Variants in TP53BP2 observed in about 807,000 individuals in gnomAD.
TP53BP2 encodes apoptosis-stimulating of p53 protein 2.
Under a neutral mutation model 126.2 loss-of-function variants are expected in TP53BP2, and 62 were observed. The observed-to-expected ratio is 0.49, with a 90% CI of 0.40 to 0.61. The LOEUF is 0.61. Ranked by LOEUF, TP53BP2 falls within the 20% of genes least tolerant of loss-of-function variation. TP53BP2 has a pLI of 0.00. For synonymous variants in TP53BP2, 485 were observed against 502.9 expected (o/e 0.96, Z 0.48); for missense variants, 1,215 against 1,402.8 (o/e 0.87, Z 2.14).
At chr1:223,834,740 G>T in intron 1 of TP53BP2, 1 of 816,828 alleles carries the variant, frequency 1.2e-6, no homozygotes, top group Non-Finnish European at 1.5e-6. Flanking sequence ...TTCCTACTCT[G>T]TCCTGTAGTG....
chr1:223,789,180 A>T lies in TP53BP2; in HGVS notation c.2997-6T>A, dbSNP rs1280026194. 1.2e-6 allele frequency: 2 copies of T among 1,613,976 alleles called. No homozygotes were observed. Among genetic ancestry groups the T allele is most frequent in the Non-Finnish European group, 1.7e-6 (2 of 1,179,968 alleles). ...CAGCACAATGTAATGGAGTCCTGTG[A>T]AGCAAGATACGAGGGCTAGAACTGT... On this transcript the variant is annotated splice_region_variant and splice_polypyrimidine_tract_variant and intron_variant, in intron 15 of 17. Coordinates refer to ENST00000343537, the MANE Select transcript of TP53BP2 (RefSeq NM_001031685.3).
At chr1:223,842,933 T>C (rs1427730903) in intron 1 of TP53BP2, among the ~76,000 whole-genome samples, 1 of 152,204 alleles carries the variant, frequency 6.6e-6, no homozygotes, top group Non-Finnish European at 1.5e-5. Flanking sequence ...GGAAATATCA[T>C]AGAACTAGAG....
Position 223,788,998 on chromosome 1 carries a change from T to C in TP53BP2, c.3163+10A>G. 1 of 1,613,042 alleles carries C rather than the reference T, an allele frequency of 6.2e-7. No individual in the cohort carries two copies. Among genetic ancestry groups the C allele is most frequent in the African/African-American group, 1.3e-5 (1 of 75,028 alleles). On this transcript the variant is annotated intron_variant, in intron 16 of 17. Coordinates refer to ENST00000343537, the MANE Select transcript of TP53BP2 (RefSeq NM_001031685.3). ...AGTAATCAATACATTTAGTTCTACT[T>C]GTCACATACCATAAAGAAATTGGGA...
chr1:223,812,207 G>C (rs891204071), intron 3 of TP53BP2, among the ~76,000 whole-genome samples: 1 of 152,180 alleles, frequency 6.6e-6, no homozygotes, highest in Non-Finnish European at 1.5e-5. Flanking sequence ...GCCTCTAGGT[G>C]TGTGGCCTCT....
chr1:223,829,389 A>G (rs191300897), intron 1 of TP53BP2, among the ~76,000 whole-genome samples: 2 of 152,328 alleles, frequency 1.3e-5, no homozygotes, highest in Non-Finnish European at 1.5e-5. Context: ...CAGAAATGAA[A>G]AAGATGATTA....
intron 12 of TP53BP2, among the ~76,000 whole-genome samples, chr1:223,797,995 G>C (rs909701670): frequency 6.6e-6 from 1 of 151,994 alleles, no homozygotes; most frequent in Non-Finnish European, 1.5e-5. Context: ...CTCCAGACTT[G>C]AGACCACACT....
At chr1:223,797,657 C>T (rs1478735283) in intron 12 of TP53BP2, among the ~76,000 whole-genome samples, 1 of 152,084 alleles carries the variant, frequency 6.6e-6, no homozygotes, top group Non-Finnish European at 1.5e-5. Flanking sequence ...GTGACCCGCC[C>T]ACCTTGGCCT....
At chr1:223,791,147 C>T (rs1662141290) in intron 15 of TP53BP2, among the ~76,000 whole-genome samples, 1 of 152,116 alleles carries the variant, frequency 6.6e-6, no homozygotes, top group South Asian at 2.1e-4. Context: ...AGAGCTTGGG[C>T]CAAGTACGGT....
At chr1:223,801,398 G>A (rs1662523204) in intron 9 of TP53BP2, among the ~76,000 whole-genome samples, 1 of 152,152 alleles carries the variant, frequency 6.6e-6, no homozygotes, top group Admixed American at 6.5e-5. Context: ...TTGAAAATCA[G>A]CTATTTTTTT....
At chr1:223,837,155 A>AGCGG (rs1558111841) in intron 1 of TP53BP2, among the ~76,000 whole-genome samples, 2 of 76,686 alleles carry the variant, frequency 2.6e-5, no homozygotes, top group African/African-American at 4.8e-5. Flanking sequence ...TAAAAAAAAA[A>AGCGG]GGGGGGGGGC....
chr1:223,783,028 T>A (rs1661825922), intron 17 of TP53BP2, among the ~76,000 whole-genome samples: 1 of 152,104 alleles, frequency 6.6e-6, no homozygotes, highest in South Asian at 2.1e-4. Flanking sequence ...GTCCCAACAC[T>A]GAAGTCATTT....
intron 1 of TP53BP2, chr1:223,826,171 A>G (rs1663488852): frequency 1.3e-5 from 2 of 152,300 alleles, no homozygotes; most frequent in Non-Finnish European, 2.9e-5. Flanking sequence ...TTTGCACAAG[A>G]GGAAGGTCAC....
chr1:223,814,129 A>G (rs1571860946), intron 3 of TP53BP2, 111 bp downstream of exon 3: 2 of 740,332 alleles, frequency 2.7e-6, no homozygotes, highest in East Asian at 5.1e-5. Context: ...TCCACTTCCT[A>G]ACCTCTCCTT....
chr1:223,808,540 CAAAA>C (rs34273651), intron 4 of TP53BP2, among the ~76,000 whole-genome samples: 1 of 110,866 alleles, frequency 9.0e-6, no homozygotes. Context: ...GACTCTGTAT[CAAAA>C]AAAAAAAAAA....
chr1:223,798,906 C>T (rs1192869166), intron 11 of TP53BP2, among the ~76,000 whole-genome samples: 1 of 151,982 alleles, frequency 6.6e-6, no homozygotes, highest in African/African-American at 2.4e-5. Context: ...CCCGTCTCTA[C>T]TAAAAAAATA....
intron 17 of TP53BP2, among the ~76,000 whole-genome samples, chr1:223,782,141 A>T (rs987994585): frequency 6.6e-6 from 1 of 152,218 alleles, no homozygotes. Flanking sequence ...AGATGTTCTC[A>T]CCAAAAAAAT....
intron 2 of TP53BP2, among the ~76,000 whole-genome samples, chr1:223,819,118 A>G (rs1571864833): frequency 6.6e-6 from 1 of 150,770 alleles, no homozygotes; most frequent in African/African-American, 2.4e-5. Flanking sequence ...CAGGAGGCGG[A>G]GGTTGCAGTG....
At position 223,784,235 on chromosome 1, in the gene TP53BP2, C is replaced by T; in HGVS notation, c.3243G>A (p.Glu1081=). 6.2e-6 allele frequency: 10 copies of T among 1,614,146 alleles called. No homozygotes were observed. The highest frequency in any genetic ancestry group is 8.5e-6 in the Non-Finnish European group (10 of 1,180,020). ...LWDYEPQNDD[E]LPMKEGDCMT... Reference sequence around the variant, plus strand: ...TGCAGTCTCCTTCTTTCATGGGCAGCTCATCATCATTCTGAGGTTCATAAT... The same window carrying T: ...TGCAGTCTCCTTCTTTCATGGGCAGTTCATCATCATTCTGAGGTTCATAAT... The change falls in exon 17 of 18, where the codon GAG becomes GAA. Residue 1081 remains glutamate (E), a synonymous_variant. Coordinates refer to ENST00000343537, the MANE Select transcript of TP53BP2 (RefSeq NM_001031685.3).
At chr1:223,783,260 G>A (rs980397728) in intron 17 of TP53BP2, among the ~76,000 whole-genome samples, 4 of 152,238 alleles carry the variant, frequency 2.6e-5, no homozygotes, top group East Asian at 1.9e-4. Context: ...CCCTCCCCAC[G>A]TTCCTTCTGC....
Sources: allele counts gnomAD v4.1 joint callset (sites outside exome capture counted in the v4.1 genomes callset), GRCh38; gene constraint gnomAD v4.1.1; transcripts MANE v1.5; gene names NCBI Gene and HGNC (gene_info 2026-07-23, HGNC 2026-07-21).